ZDHHC14: variants seen among roughly 807,000 people sequenced by gnomAD.
ZDHHC14 encodes palmitoyltransferase ZDHHC14.
ZDHHC14 carries 16 observed loss-of-function variants against 47.7 expected under a neutral mutation model. The observed-to-expected ratio is 0.34, with a 90% CI of 0.23 to 0.51. The LOEUF is 0.51. Ranked by LOEUF, ZDHHC14 falls within the 20% of genes least tolerant of loss-of-function variation. The pLI is 0.97. For synonymous variants in ZDHHC14, 293 were observed against 278.9 expected (o/e 1.05, Z -0.50); for missense variants, 515 against 662.5 (o/e 0.78, Z 2.44).
chr6:157,499,479 G>GC (rs1043228228), intron 1 of ZDHHC14, among the ~76,000 whole-genome samples: 2,368 of 147,018 alleles, frequency 0.016, 44 homozygotes, highest in Non-Finnish European at 0.021. Context: ...ACCTCTCAAA[G>GC]CCCCCCACCC....
chr6:157,442,313 G>T (rs549113463), intron 1 of ZDHHC14, among the ~76,000 whole-genome samples: 2 of 152,250 alleles, frequency 1.3e-5, no homozygotes, highest in Admixed American at 1.3e-4. Context: ...AGCCCCGGAG[G>T]TCAAGTCTGC....
At chr6:157,487,131 C>T (rs1486336766) in intron 1 of ZDHHC14, among the ~76,000 whole-genome samples, 1 of 152,240 alleles carries the variant, frequency 6.6e-6, no homozygotes, top group African/African-American at 2.4e-5. Flanking sequence ...CCCACGCTGT[C>T]CCTAAGGCTG....
At chr6:157,634,928 G>A (rs1454088455) in intron 5 of ZDHHC14, among the ~76,000 whole-genome samples, 2 of 152,126 alleles carry the variant, frequency 1.3e-5, no homozygotes, top group Non-Finnish European at 2.9e-5. Flanking sequence ...CGTGTCCCCT[G>A]GGAGCCACCC....
At chr6:157,672,359 A>C (rs1321869364) in intron 8 of ZDHHC14, among the ~76,000 whole-genome samples, 1 of 152,220 alleles carries the variant, frequency 6.6e-6, no homozygotes, top group Non-Finnish European at 1.5e-5. Flanking sequence ...GGTTTTCAGC[A>C]TACAAGAAAC....
At chr6:157,480,771 C>A (rs1018830351) in intron 1 of ZDHHC14, among the ~76,000 whole-genome samples, 21 of 150,962 alleles carry the variant, frequency 1.4e-4, no homozygotes, top group Non-Finnish European at 2.8e-4. Flanking sequence ...ACTATTACTT[C>A]TTGATGCTCC....
chr6:157,587,999 G>A (rs532206793), intron 2 of ZDHHC14, among the ~76,000 whole-genome samples: 12 of 152,222 alleles, frequency 7.9e-5, no homozygotes, highest in African/African-American at 2.6e-4. Context: ...TCATGCCTGT[G>A]ATCCCAGCAC....
chr6:157,634,204 T>C (rs1776852588), intron 5 of ZDHHC14, among the ~76,000 whole-genome samples: 1 of 152,206 alleles, frequency 6.6e-6, no homozygotes, highest in Non-Finnish European at 1.5e-5. Context: ...GTCCAGATTC[T>C]ATCGTCAACT....
chr6:157,481,472 T>C (rs558472402), intron 1 of ZDHHC14, among the ~76,000 whole-genome samples: 9 of 152,322 alleles, frequency 5.9e-5, no homozygotes, highest in South Asian at 2.1e-4. Context: ...CTTGCTGGCC[T>C]GATCTCCTGC....
chr6:157,618,986 G>A (rs1245683049), intron 3 of ZDHHC14, among the ~76,000 whole-genome samples: 1 of 151,924 alleles, frequency 6.6e-6, no homozygotes, highest in African/African-American at 2.4e-5. Flanking sequence ...TCTTCTCAAT[G>A]GCTTCATAAT....
chr6:157,542,615 T>C lies in ZDHHC14; in HGVS notation c.276T>C (p.Pro92=). 1 of 1,614,210 alleles carries C rather than the reference T, an allele frequency of 6.2e-7. No individual in the cohort carries two copies. The highest frequency in any genetic ancestry group is 8.5e-7 in the Non-Finnish European group (1 of 1,180,042). ...CGTACCTGGCGGTGAAAATCACCCC[T>C]GCCATCCCTGCAGTCGCTGGCATCC... ...DCPYLAVKIT[P]AIPAVAGILF... Residue 92 remains proline, a synonymous_variant, in exon 2 of 9, where the codon CCT becomes CCC. Coordinates refer to ENST00000359775, the MANE Select transcript of ZDHHC14 (RefSeq NM_024630.3).
intron 1 of ZDHHC14, among the ~76,000 whole-genome samples, chr6:157,421,284 G>C (rs981279699): frequency 6.6e-6 from 1 of 151,728 alleles, no homozygotes; most frequent in African/African-American, 2.4e-5. Context: ...TGGATCACGA[G>C]GTCAGGAGAT....
chr6:157,635,726 G>A (rs565586696), intron 5 of ZDHHC14, among the ~76,000 whole-genome samples: 2 of 152,332 alleles, frequency 1.3e-5, no homozygotes, highest in South Asian at 4.1e-4. Context: ...ACAGACCGGT[G>A]CTGCTGTTAG....
intron 3 of ZDHHC14, among the ~76,000 whole-genome samples, chr6:157,601,255 C>G (rs539595413): frequency 3.3e-5 from 5 of 152,144 alleles, no homozygotes; most frequent in Non-Finnish European, 7.4e-5. Flanking sequence ...TTCTTTATAG[C>G]AAAACACTGC....
intron 1 of ZDHHC14, among the ~76,000 whole-genome samples, chr6:157,448,141 A>C (rs1427247249): frequency 6.6e-6 from 1 of 152,192 alleles, no homozygotes; most frequent in South Asian, 2.1e-4. Context: ...AGCCTCCCAA[A>C]GGTTGGGATT....
chr6:157,414,522 G>A (rs1321935861), intron 1 of ZDHHC14, among the ~76,000 whole-genome samples: 1 of 152,198 alleles, frequency 6.6e-6, no homozygotes, highest in East Asian at 1.9e-4. Context: ...TGCTGGTGTT[G>A]TAGTCTGAAG....
rs186957490 is a variant in ZDHHC14, at chr6:157,413,718, A to G, written c.245+31452A>G. On this transcript the variant is annotated intron_variant, in intron 1 of 8. Transcript: ENST00000359775. ...TTTTTTCCGTCTAAAGCCTGTCTCC[A>G]TGGAGCCTCAAAACTCCTTTCTACC... 8.3e-3 allele frequency among the ~76,000 whole-genome samples: 1,264 copies of G among 151,752 alleles called. 6 individuals carry two copies. The highest frequency in any genetic ancestry group is 0.012 in the Non-Finnish European group (794 of 67,944).
At chr6:157,476,114 A>G (rs769446664) in intron 1 of ZDHHC14, among the ~76,000 whole-genome samples, 2 of 152,160 alleles carry the variant, frequency 1.3e-5, no homozygotes, top group Non-Finnish European at 2.9e-5. Flanking sequence ...TCACAGCAAT[A>G]TGAAATAAAG....
At chr6:157,543,316 G>C in intron 2 of ZDHHC14, among the ~76,000 whole-genome samples, 1 of 151,514 alleles carries the variant, frequency 6.6e-6, no homozygotes, top group Non-Finnish European at 1.5e-5. Flanking sequence ...TATTAAAACA[G>C]ATCCTAATCC....
intron 1 of ZDHHC14, among the ~76,000 whole-genome samples, chr6:157,395,277 C>T (rs1247017052): frequency 6.6e-6 from 1 of 151,616 alleles, no homozygotes; most frequent in East Asian, 1.9e-4. Context: ...CCTCCCACCT[C>T]AGCCTCTGGA....
Sources: gnomAD v4.1 joint callset for allele counts (sites outside exome capture counted in the v4.1 genomes callset) on GRCh38, gnomAD v4.1.1 for gene constraint, MANE v1.5 for transcripts, NCBI Gene and HGNC (gene_info 2026-07-23, HGNC 2026-07-21) for gene names.